The following ARHGAP45 variants were observed in gnomAD, a reference collection of about 807,000 sequenced individuals.
ARHGAP45 encodes Rho GTPase activating protein 45.
Under a neutral mutation model 116.1 loss-of-function variants are expected in ARHGAP45, and 56 were observed. That is an observed-to-expected ratio of 0.48 (90% CI 0.39 to 0.60). ARHGAP45 has a LOEUF of 0.60. ARHGAP45 is among the 20% of genes least tolerant of loss of function. The pLI, the probability that ARHGAP45 is intolerant of heterozygous loss-of-function variation, is 0.00. For synonymous variants in ARHGAP45, 866 were observed against 701.7 expected (o/e 1.23, Z -3.70); for missense variants, 1,622 against 1,601.0 (o/e 1.01, Z -0.22).
At chr19:1,082,709 T>C (rs968263386) in intron 19 of ARHGAP45, 131 bp from the exon 20 acceptor site, 2 of 753,880 alleles carry the variant, frequency 2.7e-6, no homozygotes, top group Non-Finnish European at 3.9e-6. Context: ...GACGCCGCTC[T>C]GGGTGGAACC....
rs1334482832 is a variant in ARHGAP45 at position 1,068,249 on chromosome 19, T to TG, written c.91-158dup. 8.6e-5 allele frequency: 51 copies of TG among 591,856 alleles called. No individual in the cohort carries two copies. The highest frequency in any genetic ancestry group is 6.1e-4 in the South Asian group (28 of 45,980). 36.7% of individuals were successfully genotyped at this position (591,856 alleles called of 1,614,324 possible). A position where few individuals can be genotyped will look rare whatever the true frequency, so the allele number is the denominator to read the frequency against. On this transcript the variant is annotated intron_variant, in intron 1 of 22. Coordinates refer to ENST00000313093, the MANE Select transcript of ARHGAP45 (RefSeq NM_012292.5). This position sits in a 1 kb window ranked among gnomAD's most constrained non-coding sequence, Gnocchi z 7.5. Reference sequence around the variant, plus strand: ...AGGGAAGAGGATGTTGGGTAACAGGTGGGGGGGTACACTACCAAATCTCGG... The same window carrying TG: ...AGGGAAGAGGATGTTGGGTAACAGGTGGGGGGGGTACACTACCAAATCTCGG...
chr19:1,077,197 G>C (rs2043271210), intron 10 of ARHGAP45: 2 of 985,232 alleles, frequency 2.0e-6, no homozygotes, highest in Non-Finnish European at 2.4e-6. Context: ...TGTGAGGAGG[G>C]AAGTGAAAGC....
At position 1,084,262 on chromosome 19, in the gene ARHGAP45, G is replaced by C; in HGVS notation, c.2980G>C (p.Glu994Gln). 6.2e-7 allele frequency: 1 copy of C among 1,613,650 alleles called. No individual in the cohort carries two copies. The highest frequency in any genetic ancestry group is 8.5e-7 in the Non-Finnish European group (1 of 1,179,922). The change falls in exon 22 of 23, where the codon GAG (glutamate) becomes CAG (glutamine). Residue 994 changes from glutamate to glutamine, a missense_variant. By Grantham distance (29) the Glu-to-Gln change is conservative (BLOSUM62 2). Coordinates refer to ENST00000313093, the MANE Select transcript of ARHGAP45 (RefSeq NM_012292.5). ...GQDESSNQRA[E>Q]VVVQVPYLEA... ...GGACGAGTCATCCAACCAGCGAGCT[G>C]AGGTAGTCGTCCAGGTGCCGTACCT...
Position 1,071,280 on chromosome 19 carries a change from G to T in ARHGAP45, c.422-1869G>T. 1 of 1,479,414 alleles carries T rather than the reference G, an allele frequency of 6.8e-7. No homozygotes were observed. The allele number at this position is 1,479,414 out of a possible 1,614,324, so 91.6% of individuals were successfully genotyped here. A position where few individuals can be genotyped will look rare whatever the true frequency, so the allele number is the denominator to read the frequency against. ...GCGCTCGCGGTCTCCGCGCCCCGAC[G>T]GCTGCGCCATGTGTATCTGCGGGAC... On this transcript the variant is annotated intron_variant, in intron 2 of 22. Coordinates refer to ENST00000313093, the MANE Select transcript of ARHGAP45 (RefSeq NM_012292.5). The surrounding 1 kb of genome is among the most constrained non-coding windows in gnomAD (Gnocchi z 4.6).
chr19:1,066,674 T>A, upstream of ARHGAP45: 1 of 157,650 alleles, frequency 6.3e-6, no homozygotes, highest in Non-Finnish European at 1.4e-5. Flanking sequence ...CCTGGACGTC[T>A]TTGCCCCCAG....
intron 19 of ARHGAP45, among the ~76,000 whole-genome samples, chr19:1,082,296 C>T (rs2043463640): frequency 7.2e-6 from 1 of 139,720 alleles, no homozygotes; most frequent in Admixed American, 7.1e-5. Flanking sequence ...GGGGCCGGGG[C>T]TCGGTGGGGC....
At chr19:1,082,780 A>G in intron 19 of ARHGAP45, 60 bp from the exon 20 acceptor site, 2 of 1,366,450 alleles carry the variant, frequency 1.5e-6, no homozygotes, top group Non-Finnish European at 1.9e-6. Flanking sequence ...GGGGCGTGGC[A>G]GGCACACGTG....
In ARHGAP45 at chr19:1,079,982, C is replaced by A. The variant is rs2043382045; in HGVS notation, c.1567C>A (p.His523Asn). The A allele has an allele frequency of 6.2e-7, 1 of 1,612,716 alleles. No individual in the cohort carries two copies. The highest frequency in any genetic ancestry group is 1.3e-5 in the African/African-American group (1 of 74,926). ...MHMQTAPLPV[H>N]FQMLCESSKL... ...TATGCAGACGGCGCCGCTGCCCGTGCACTTCCAGATGCTGTGTGAGAGCAG... is the reference window on the plus strand; with the variant it reads ...TATGCAGACGGCGCCGCTGCCCGTGAACTTCCAGATGCTGTGTGAGAGCAG... The change falls in exon 13 of 23, where the codon CAC (histidine) becomes AAC (asparagine). Residue 523 changes from histidine to asparagine, a missense_variant. Physicochemically the swap from His to Asn is moderately conservative, Grantham distance 68. Coordinates refer to ENST00000313093, the MANE Select transcript of ARHGAP45 (RefSeq NM_012292.5).
Position 1,068,486 on chromosome 19 carries a change from G to C in ARHGAP45, c.163G>C (p.Gly55Arg). 6.3e-7 allele frequency: 1 copy of C among 1,588,784 alleles called. No homozygotes were observed. The highest frequency in any genetic ancestry group is 8.6e-7 in the Non-Finnish European group (1 of 1,168,466). ...CCTGGAGCCGCCCGCTGGGTCCTCC[G>C]GCGTCAAGGCCACAGGGACCCTCAA... ...PSLEPPAGSS[G>R]VKATGTLKRP... The change falls in exon 2 of 23, where the codon GGC (glycine) becomes CGC (arginine). Residue 55 changes from glycine to arginine, a missense_variant. By Grantham distance (125) the Gly-to-Arg change is moderately radical. Coordinates refer to ENST00000313093, the MANE Select transcript of ARHGAP45 (RefSeq NM_012292.5). This position sits in a 1 kb window ranked among gnomAD's most constrained non-coding sequence, Gnocchi z 7.5.
At position 1,080,345 on chromosome 19, in the gene ARHGAP45, G is replaced by T. The variant is rs145609436; in HGVS notation, c.1794G>T (p.Gly598=). The change falls in exon 14 of 23, where the codon GGG becomes GGT. Residue 598 remains glycine, a synonymous_variant. Transcript: ENST00000313093. ...EAAGSPPEEG[G]CTEGTPAKDH... Reference sequence around the variant, plus strand: ...CCGGGAGCCCCCCAGAAGAAGGCGGGTGCACTGAGGGCACACCTGCCAAGG... The same window carrying T: ...CCGGGAGCCCCCCAGAAGAAGGCGGTTGCACTGAGGGCACACCTGCCAAGG... 12 of 1,608,322 alleles carry T rather than the reference G, an allele frequency of 7.5e-6. No homozygotes were observed. Among genetic ancestry groups the T allele is most frequent in the African/African-American group, 2.7e-5 (2 of 74,730 alleles).
intron 16 of ARHGAP45, 29 bp downstream of exon 16, chr19:1,080,815 A>C (rs1425845373): frequency 6.2e-7 from 1 of 1,611,608 alleles, no homozygotes; most frequent in African/African-American, 1.3e-5. Flanking sequence ...GGCTGGAGAG[A>C]GAGGGGGGTT....
chr19:1,073,910 C>T (rs761076124), intron 5 of ARHGAP45, 38 bp from the exon 6 acceptor site: 7 of 1,531,730 alleles, frequency 4.6e-6, no homozygotes, highest in African/African-American at 1.4e-5. Context: ...CCCAGGGCCC[C>T]GCATGGGGCT....
rs1165572830 is a variant in ARHGAP45 at position 1,068,487 on chromosome 19, G to A, written c.164G>A (p.Gly55Asp). ...CTGGAGCCGCCCGCTGGGTCCTCCGGCGTCAAGGCCACAGGGACCCTCAAG... is the reference window on the plus strand; with the variant it reads ...CTGGAGCCGCCCGCTGGGTCCTCCGACGTCAAGGCCACAGGGACCCTCAAG... Reference protein sequence around the residue: ...PSLEPPAGSSGVKATGTLKRP... With the variant: ...PSLEPPAGSSDVKATGTLKRP... The change falls in exon 2 of 23, where the codon GGC becomes GAC. Residue 55 changes from glycine to aspartate, a missense_variant. Gly to Asp is a moderately conservative substitution (Grantham distance 94). Coordinates refer to ENST00000313093, the MANE Select transcript of ARHGAP45 (RefSeq NM_012292.5). The surrounding 1 kb of genome is among the most constrained non-coding windows in gnomAD (Gnocchi z 7.5). The A allele has an allele frequency of 6.3e-7, 1 of 1,589,562 alleles. No individual in the cohort carries two copies. The highest frequency in any genetic ancestry group is 8.6e-7 in the Non-Finnish European group (1 of 1,168,868).
chr19:1,082,079 C>T (rs1456077926), intron 19 of ARHGAP45, 118 bp downstream of exon 19: 4 of 75,856 alleles, frequency 5.3e-5, no homozygotes, highest in Non-Finnish European at 9.5e-5. Context: ...CTGGCGCAAG[C>T]GGGGGCCTGG....
Position 1,085,649 on chromosome 19 carries a change from C to G in ARHGAP45, c.3065-11C>G. The G allele has an allele frequency of 6.5e-7, 1 of 1,542,374 alleles. No homozygotes were observed. The highest frequency in any genetic ancestry group is 8.8e-7 in the Non-Finnish European group (1 of 1,139,892). On this transcript the variant is annotated splice_polypyrimidine_tract_variant and intron_variant, in intron 22 of 22. Coordinates refer to ENST00000313093, the MANE Select transcript of ARHGAP45 (RefSeq NM_012292.5). The stretch of plus-strand genomic sequence containing the variant: ...GTCTGTCTCCCCCCGCCATCTGTCT[C>G]CCTTTCTTAGAATCCCGAGTTGTGT...
In ARHGAP45 at chr19:1,083,108, A is replaced by G. The variant is rs778211487; in HGVS notation, c.2745-35A>G. ...GGAGTGGAGGGCGCGGGGTCCCGGG[A>G]GCCGCTCAGCACCTGGCCCCTGCCC... On this transcript the variant is annotated intron_variant, in intron 20 of 22. Coordinates refer to ENST00000313093, the MANE Select transcript of ARHGAP45 (RefSeq NM_012292.5). The G allele has an allele frequency of 4.4e-6, 7 of 1,577,104 alleles. No homozygotes were observed. The East Asian group carries it at 1.6e-4, about 37-fold the overall frequency.
At chr19:1,066,002 C>T (rs540747592), upstream of ARHGAP45, 2 of 1,533,028 alleles carry the variant, frequency 1.3e-6, no homozygotes, top group African/African-American at 1.4e-5. Context: ...TGACCCTCAC[C>T]CTCTGACCCC....
At chr19:1,085,577 C>A in intron 22 of ARHGAP45, 83 bp from the exon 23 acceptor site, 1 of 1,020,478 alleles carries the variant, frequency 9.8e-7, no homozygotes, top group Non-Finnish European at 1.4e-6. Flanking sequence ...CTGTCTCTCC[C>A]CATCTCTCCT....
intron 17 of ARHGAP45, 43 bp from the exon 18 acceptor site, chr19:1,081,507 T>C: frequency 6.9e-7 from 1 of 1,439,570 alleles, no homozygotes; most frequent in Non-Finnish European, 9.1e-7. Flanking sequence ...TGCGCTGAGC[T>C]GGGCGCCCCG....
Sources: gnomAD v4.1 joint callset for allele counts (sites outside exome capture counted in the v4.1 genomes callset) on GRCh38, gnomAD v4.1.1 for gene constraint, Gnocchi (gnomAD v3.1) non-coding constraint, MANE v1.5 for transcripts, NCBI Gene and HGNC (gene_info 2026-07-23, HGNC 2026-07-21) for gene names.